Variants in ENOX1 observed in about 807,000 individuals in gnomAD.
ENOX1 encodes ecto-NOX disulfide-thiol exchanger 1.
In ENOX1, 42 loss-of-function variants were observed where a neutral mutation model predicts 82.5. That is an observed-to-expected ratio of 0.51 (90% confidence interval 0.40 to 0.66). The LOEUF (loss-of-function observed/expected upper bound fraction) is 0.66. ENOX1 is among the 30% of genes least tolerant of loss of function. The pLI, the probability that ENOX1 is intolerant of heterozygous loss-of-function variation, is 0.00. For synonymous variants in ENOX1, 271 were observed against 282.2 expected (o/e 0.96, Z 0.40); for missense variants, 608 against 811.6 (o/e 0.75, Z 3.05).
rs576958098 is a variant in ENOX1, at chr13:43,638,303, T to C, written c.-219+29176A>G. Among the ~76,000 whole-genome samples the C allele has an allele frequency of 1.6e-4, 25 of 152,342 alleles. 1 individual carries two copies. Among genetic ancestry groups the C allele is most frequent in the African/African-American group, 4.8e-4 (20 of 41,590 alleles). ...CTGGAAGCCATAATTTCCATATTTATTGAAAACAGCATCTCAGCCAAAGTG... is the reference window on the plus strand; with the variant it reads ...CTGGAAGCCATAATTTCCATATTTACTGAAAACAGCATCTCAGCCAAAGTG... On this transcript the variant is annotated intron_variant, in intron 2 of 16. Coordinates refer to ENST00000690772, the MANE Select transcript of ENOX1 (RefSeq NM_001347969.2).
chr13:43,286,434 G>C (rs2045705572), intron 12 of ENOX1, among the ~76,000 whole-genome samples: 1 of 152,182 alleles, frequency 6.6e-6, no homozygotes, highest in South Asian at 2.1e-4. Flanking sequence ...ACAGCGTTGG[G>C]AAAAGGAGAG....
At chr13:43,630,860 T>TATACACAATCAC in intron 2 of ENOX1, among the ~76,000 whole-genome samples, 1 of 147,798 alleles carries the variant, frequency 6.8e-6, no homozygotes, top group African/African-American at 2.5e-5. Context: ...TATATATATA[T>TATACACAATCAC]ACACACACAC....
chr13:43,306,438 T>TAA (rs2046868479), intron 11 of ENOX1, among the ~76,000 whole-genome samples: 1 of 152,244 alleles, frequency 6.6e-6, no homozygotes, highest in Non-Finnish European at 1.5e-5. Context: ...CTAAAGGCTT[T>TAA]AAAGATTCTT....
intron 3 of ENOX1, among the ~76,000 whole-genome samples, chr13:43,435,103 TATG>T (rs1258353509): frequency 2.0e-5 from 3 of 151,994 alleles, no homozygotes; most frequent in African/African-American, 7.3e-5. Flanking sequence ...TCTGGTCACT[TATG>T]ATGAGATCTT....
At chr13:43,302,593 T>A (rs561496349) in intron 11 of ENOX1, among the ~76,000 whole-genome samples, 22 of 152,344 alleles carry the variant, frequency 1.4e-4, no homozygotes, top group African/African-American at 5.1e-4. Context: ...GACACTAATG[T>A]ATGAAAATCA....
At chr13:43,342,611 C>A (rs76493566) in intron 9 of ENOX1, among the ~76,000 whole-genome samples, 1,970 of 152,220 alleles carry the variant, frequency 0.013, 51 homozygotes, top group African/African-American at 0.044. Context: ...AGGGGGAGTG[C>A]CTGTTCTGCT....
At chr13:43,397,248 C>T (rs984447065) in intron 5 of ENOX1, among the ~76,000 whole-genome samples, 1 of 152,218 alleles carries the variant, frequency 6.6e-6, no homozygotes, top group Non-Finnish European at 1.5e-5. Context: ...TTCCTCACAG[C>T]TGGGGATGAA....
intron 2 of ENOX1, among the ~76,000 whole-genome samples, chr13:43,666,089 C>A (rs1269658586): frequency 6.6e-6 from 1 of 151,804 alleles, no homozygotes; most frequent in African/African-American, 2.4e-5. Flanking sequence ...AAAATGAACA[C>A]ACCTTAATTT....
intron 12 of ENOX1, among the ~76,000 whole-genome samples, chr13:43,290,071 A>C (rs1210564173): frequency 6.6e-6 from 1 of 152,200 alleles, no homozygotes; most frequent in Non-Finnish European, 1.5e-5. Flanking sequence ...AAAGTCAAAA[A>C]CAACAGATGC....
chr13:43,568,106 T>C (rs1440249547), intron 2 of ENOX1, among the ~76,000 whole-genome samples: 1 of 152,200 alleles, frequency 6.6e-6, no homozygotes, highest in Non-Finnish European at 1.5e-5. Flanking sequence ...ACCTTTGTGA[T>C]AGAGTAATAC....
rs560798461 is a variant in ENOX1, at chr13:43,786,459, G to C, written c.-285+193C>G. On this transcript the variant is annotated intron_variant, in intron 1 of 16. Transcript: ENST00000690772. The surrounding 1 kb of genome is among the most constrained non-coding windows in gnomAD (Gnocchi z 6.0). ...GAGACGGGGCACGGCGGGGAAGGGC[G>C]TGGGGGCTGCACCGAAGCCCCCACG... Among the ~76,000 whole-genome samples the C allele has an allele frequency of 3.0e-4, 46 of 151,796 alleles. No homozygotes were observed. Among genetic ancestry groups the C allele is most frequent in the African/African-American group, 1.0e-3 (43 of 41,458 alleles).
intron 8 of ENOX1, among the ~76,000 whole-genome samples, chr13:43,350,612 A>G (rs893853574): frequency 6.6e-6 from 1 of 152,032 alleles, no homozygotes; most frequent in African/African-American, 2.4e-5. Flanking sequence ...GGCCCGGCTA[A>G]TTTTGTATTT....
At chr13:43,475,920 C>T (rs2058263863) in intron 3 of ENOX1, among the ~76,000 whole-genome samples, 1 of 151,666 alleles carries the variant, frequency 6.6e-6, no homozygotes, top group East Asian at 1.9e-4. Flanking sequence ...TTTTTTAGAG[C>T]CCTAAATAAG....
At chr13:43,763,861 G>A (rs1161221779) in intron 1 of ENOX1, among the ~76,000 whole-genome samples, 1 of 152,188 alleles carries the variant, frequency 6.6e-6, no homozygotes, top group Non-Finnish European at 1.5e-5. Context: ...AATAATGCCT[G>A]TGGAACAACA....
At chr13:43,402,466 A>G (rs1230263548) in intron 5 of ENOX1, among the ~76,000 whole-genome samples, 1 of 152,216 alleles carries the variant, frequency 6.6e-6, no homozygotes, top group Non-Finnish European at 1.5e-5. Context: ...CCCAGCTTTA[A>G]TGATAGAGGA....
intron 1 of ENOX1, among the ~76,000 whole-genome samples, chr13:43,737,337 G>A (rs1390736880): frequency 6.6e-6 from 1 of 152,190 alleles, no homozygotes; most frequent in African/African-American, 2.4e-5. Flanking sequence ...GAAAGCCTGG[G>A]CACTTGACTA....
intron 9 of ENOX1, among the ~76,000 whole-genome samples, chr13:43,341,165 C>T (rs1419064249): frequency 3.3e-5 from 5 of 151,934 alleles, no homozygotes; most frequent in African/African-American, 1.2e-4. Flanking sequence ...GGCGTGGTGG[C>T]GGGCGCCTGT....
chr13:43,264,070 T>C (rs1310285801), intron 14 of ENOX1, among the ~76,000 whole-genome samples: 1 of 152,242 alleles, frequency 6.6e-6, no homozygotes, highest in Non-Finnish European at 1.5e-5. Flanking sequence ...CCAGGAAACC[T>C]TTCTTGATTA....
intron 1 of ENOX1, among the ~76,000 whole-genome samples, chr13:43,777,183 C>T (rs909913304): frequency 1.3e-5 from 2 of 152,178 alleles, no homozygotes; most frequent in African/African-American, 4.8e-5. Context: ...CACATTCAAG[C>T]GGCCCCTGAT....
Sources: allele counts gnomAD v4.1 joint callset (sites outside exome capture counted in the v4.1 genomes callset), GRCh38; gene constraint gnomAD v4.1.1; non-coding constraint Gnocchi (gnomAD v3.1); transcripts MANE v1.5; gene names NCBI Gene and HGNC (gene_info 2026-07-23, HGNC 2026-07-21).